GRM7: variants seen among roughly 807,000 people sequenced by gnomAD.
The protein encoded by GRM7 is metabotropic glutamate receptor 7.
In GRM7, 35 loss-of-function variants were observed where a neutral mutation model predicts 84.5. The ratio of observed to expected loss-of-function variants is 0.41; its 90% CI spans 0.32 to 0.55. GRM7 has a LOEUF of 0.55. Among genes scored for constraint, GRM7 ranks in the 20% least tolerant of loss-of-function variants. The pLI is 0.19. For missense variants in GRM7, 1,003 were observed against 1,194.6 expected (o/e 0.84, Z 2.36); for synonymous variants, 487 against 455.1 (o/e 1.07, Z -0.89).
intron 1 of GRM7, among the ~76,000 whole-genome samples, chr3:7,082,000 A>G (rs1054827017): frequency 2.0e-5 from 3 of 152,156 alleles, no homozygotes; most frequent in Admixed American, 2.0e-4. Flanking sequence ...TTGCCATCAC[A>G]TAAAAATGCA....
chr3:6,914,560 G>A (rs559701740), intron 1 of GRM7, among the ~76,000 whole-genome samples: 10 of 151,956 alleles, frequency 6.6e-5, no homozygotes, highest in East Asian at 3.9e-4. Context: ...GCACCAGCAC[G>A]CCTGGCTAAT....
chr3:7,281,770 T>C (rs1699257432), intron 2 of GRM7, among the ~76,000 whole-genome samples: 1 of 152,190 alleles, frequency 6.6e-6, no homozygotes, highest in Non-Finnish European at 1.5e-5. Context: ...ACCCCAGACC[T>C]ACTGAATCAG....
chr3:7,241,769 T>A (rs1454937319), intron 2 of GRM7, among the ~76,000 whole-genome samples: 1 of 152,118 alleles, frequency 6.6e-6, no homozygotes, highest in Non-Finnish European at 1.5e-5. Context: ...TCCCGTGATT[T>A]CTCCAACCAG....
intron 2 of GRM7, among the ~76,000 whole-genome samples, chr3:7,150,455 A>G (rs1694250066): frequency 6.6e-6 from 1 of 152,186 alleles, no homozygotes; most frequent in African/African-American, 2.4e-5. Flanking sequence ...TGTTTAAAAC[A>G]TGGAAGTCTA....
At chr3:7,129,484 A>T (rs1267057399) in intron 1 of GRM7, among the ~76,000 whole-genome samples, 22 of 152,244 alleles carry the variant, frequency 1.4e-4, no homozygotes, top group Admixed American at 1.4e-3. Flanking sequence ...TTAAAAAATC[A>T]GTTCTTGCAA....
intron 7 of GRM7, among the ~76,000 whole-genome samples, chr3:7,497,369 C>G (rs1336901657): frequency 5.3e-5 from 8 of 152,158 alleles, no homozygotes; most frequent in Admixed American, 2.6e-4. Context: ...ATATACTTCT[C>G]TCATGGAGTA....
At chr3:7,519,267 C>A in intron 7 of GRM7, among the ~76,000 whole-genome samples, 1 of 151,688 alleles carries the variant, frequency 6.6e-6, no homozygotes, top group East Asian at 1.9e-4. Flanking sequence ...GAGGCTGAGG[C>A]AGGAGAATCG....
At chr3:7,704,202 A>C (rs188617338) in intron 9 of GRM7, among the ~76,000 whole-genome samples, 1 of 152,352 alleles carries the variant, frequency 6.6e-6, no homozygotes, top group African/African-American at 2.4e-5. Flanking sequence ...ACTAAATTCA[A>C]AAGTTTTAAA....
chr3:7,485,151 CTG>C (rs1213182847), intron 7 of GRM7, among the ~76,000 whole-genome samples: 4 of 152,178 alleles, frequency 2.6e-5, no homozygotes, highest in African/African-American at 7.2e-5. Context: ...ATAAAAGAGA[CTG>C]TGAACCAGAG....
chr3:7,064,717 T>TGGG (rs1404240651), intron 1 of GRM7, among the ~76,000 whole-genome samples: 2 of 151,472 alleles, frequency 1.3e-5, no homozygotes, highest in African/African-American at 2.4e-5. Context: ...TACCCAGTAG[T>TGGG]GGGATTGCTG....
intron 1 of GRM7, among the ~76,000 whole-genome samples, chr3:7,019,012 G>A (rs921992612): frequency 6.6e-6 from 1 of 152,174 alleles, no homozygotes; most frequent in African/African-American, 2.4e-5. Flanking sequence ...CAGGAGAAAC[G>A]CTTGAACCCG....
chr3:7,704,678 G>T (rs914945074), intron 9 of GRM7, among the ~76,000 whole-genome samples: 2 of 152,124 alleles, frequency 1.3e-5, no homozygotes, highest in African/African-American at 4.8e-5. Flanking sequence ...ACAATAGAAA[G>T]AAGTATTCAA....
chr3:6,914,125 A>C (rs1008365664), intron 1 of GRM7, among the ~76,000 whole-genome samples: 6 of 152,160 alleles, frequency 3.9e-5, no homozygotes, highest in African/African-American at 1.4e-4. Flanking sequence ...TGTTATTCAC[A>C]GGACTGAATC....
intron 1 of GRM7, among the ~76,000 whole-genome samples, chr3:6,882,265 C>T (rs1695540619): frequency 6.6e-6 from 1 of 152,104 alleles, no homozygotes; most frequent in Non-Finnish European, 1.5e-5. Context: ...TACTCTGAGC[C>T]ATGTTGCAGG....
chr3:7,428,846 A>G (rs924325078), intron 5 of GRM7, among the ~76,000 whole-genome samples: 6 of 152,286 alleles, frequency 3.9e-5, no homozygotes, highest in African/African-American at 1.2e-4. Context: ...TCTGTTGTTA[A>G]TTTTCTTCAT....
intron 3 of GRM7, among the ~76,000 whole-genome samples, chr3:7,301,579 C>G (rs1331925665): frequency 6.6e-6 from 1 of 152,070 alleles, no homozygotes; most frequent in African/African-American, 2.4e-5. Context: ...ATACTGTTGA[C>G]TTGCAAGTAA....
rs1005719213 is a variant in GRM7, at chr3:7,637,123, A to G, written c.2452-42926A>G. ...CAATTAGGAAGAAGAAAATTTGAAG[A>G]CATGTCCCCTTTATTTTTTATTTAC... On this transcript the variant is annotated intron_variant, in intron 8 of 9. Transcript: ENST00000357716. 2.6e-5 allele frequency among the ~76,000 whole-genome samples: 4 copies of G among 152,190 alleles called. No individual in the cohort carries two copies. In the East Asian group the frequency reaches 5.8e-4, roughly 22 times the overall value.
At chr3:7,304,556 G>A (rs1277589595) in intron 3 of GRM7, among the ~76,000 whole-genome samples, 1 of 151,456 alleles carries the variant, frequency 6.6e-6, no homozygotes, top group Non-Finnish European at 1.5e-5. Flanking sequence ...TATTTTCTCT[G>A]TACGTTCTTT....
At chr3:7,324,656 C>T (rs1700915255) in intron 4 of GRM7, among the ~76,000 whole-genome samples, 1 of 152,094 alleles carries the variant, frequency 6.6e-6, no homozygotes, top group South Asian at 2.1e-4. Flanking sequence ...TTGTTTTACT[C>T]TGAGCATTGT....
Sources: gnomAD v4.1 joint callset for allele counts (sites outside exome capture counted in the v4.1 genomes callset) on GRCh38, gnomAD v4.1.1 for gene constraint, MANE v1.5 for transcripts, NCBI Gene and HGNC (gene_info 2026-07-23, HGNC 2026-07-21) for gene names.